The following BICC1 variants were observed in gnomAD, a reference collection of about 807,000 sequenced individuals.
BICC1 encodes the protein BicC family RNA binding protein 1.
A neutral mutation model predicts 111.0 loss-of-function variants in BICC1; 43 were observed. The observed-to-expected ratio is 0.39, with a 90% confidence interval of 0.30 to 0.50. BICC1 has a LOEUF of 0.50. Among genes scored for constraint, BICC1 ranks in the 20% least tolerant of loss-of-function variants. BICC1 has a pLI of 0.88. For synonymous variants in BICC1, 467 were observed against 434.4 expected, an observed-to-expected ratio of 1.07 and a Z score of -0.93; for missense variants, 1,091 against 1,203.2, an observed-to-expected ratio of 0.91 and a Z score of 1.38.
chr10:58,565,910 C>G (rs529120963), intron 1 of BICC1, among the ~76,000 whole-genome samples: 67 of 152,034 alleles, frequency 4.4e-4, no homozygotes, highest in African/African-American at 1.6e-3. Context: ...GTTGGTACAC[C>G]TTACCCAAGC....
chr10:58,754,622 G>A (rs555835224), intron 3 of BICC1, among the ~76,000 whole-genome samples: 1 of 152,320 alleles, frequency 6.6e-6, no homozygotes, highest in African/African-American at 2.4e-5. Context: ...GCAGGGAGCA[G>A]GAGTGTCTCA....
In BICC1 at chr10:58,513,287, G is replaced by T; in HGVS notation, c.144G>T (p.Glu48Asp). Residue 48 changes from glutamate (E) to aspartate (D), a missense_variant, in exon 1 of 21, where the codon GAG becomes GAT. Glu to Asp is a conservative substitution (Grantham distance 45). This residue lies in a region of BICC1 where 843 missense variants were observed against 900.8 expected (regional missense o/e 0.94). Coordinates refer to ENST00000373886, the MANE Select transcript of BICC1 (RefSeq NM_001080512.3). ...GATLHSPEWS[E>D]ERFRVDRKKL... ...CCCTGCACAGCCCGGAGTGGAGCGA[G>T]GAGCGCTTCCGCGTGGACAGGAAGA... The T allele has an allele frequency of 5.0e-6, 8 of 1,612,126 alleles. No homozygotes were observed. Among genetic ancestry groups the T allele is most frequent in the Non-Finnish European group, 6.8e-6 (8 of 1,178,984 alleles).
chr10:58,827,218 G>T (rs1288695382), intron 20 of BICC1, among the ~76,000 whole-genome samples: 1 of 152,200 alleles, frequency 6.6e-6, no homozygotes, highest in Non-Finnish European at 1.5e-5. Flanking sequence ...GGAAAGGATT[G>T]TCAAGGTTGT....
intron 1 of BICC1, among the ~76,000 whole-genome samples, chr10:58,606,271 C>T (rs1363231590): frequency 6.6e-6 from 1 of 152,134 alleles, no homozygotes; most frequent in Non-Finnish European, 1.5e-5. Flanking sequence ...CATACAACCC[C>T]TACTAATATA....
intron 1 of BICC1, among the ~76,000 whole-genome samples, chr10:58,520,835 T>A (rs1489836983): frequency 6.6e-6 from 1 of 151,106 alleles, no homozygotes; most frequent in Non-Finnish European, 1.5e-5. Context: ...CTGATGATAT[T>A]TTAGGAATTT....
intron 15 of BICC1, among the ~76,000 whole-genome samples, chr10:58,803,884 A>G (rs1397071386): frequency 2.0e-5 from 3 of 152,210 alleles, no homozygotes; most frequent in African/African-American, 7.2e-5. Context: ...ATAGATGACA[A>G]TATGAAAGAT....
At chr10:58,649,411 G>C (rs1234052078) in intron 2 of BICC1, among the ~76,000 whole-genome samples, 1 of 152,178 alleles carries the variant, frequency 6.6e-6, no homozygotes, top group African/African-American at 2.4e-5. Flanking sequence ...CACGAAGCCT[G>C]CCTGCTAGGT....
intron 1 of BICC1, among the ~76,000 whole-genome samples, chr10:58,515,326 T>A (rs1842213814): frequency 6.6e-6 from 1 of 152,202 alleles, no homozygotes; most frequent in South Asian, 2.1e-4. Flanking sequence ...ATTTTCATTG[T>A]GCAAACATCA....
intron 1 of BICC1, among the ~76,000 whole-genome samples, chr10:58,527,127 G>C (rs939579948): frequency 2.9e-4 from 44 of 152,260 alleles, no homozygotes; most frequent in African/African-American, 9.4e-4. Context: ...ATTCTAACTG[G>C]TGTGAGATGG....
chr10:58,667,029 G>A (rs1222322005), intron 2 of BICC1, among the ~76,000 whole-genome samples: 1 of 152,016 alleles, frequency 6.6e-6, no homozygotes, highest in Non-Finnish European at 1.5e-5. Context: ...AGATGAAAGA[G>A]GCTTACAATT....
chr10:58,586,161 G>C (rs1288742357), intron 1 of BICC1, among the ~76,000 whole-genome samples: 1 of 152,110 alleles, frequency 6.6e-6, no homozygotes, highest in East Asian at 1.9e-4. Flanking sequence ...TCCTAAAAAT[G>C]TGACTTCCTT....
At chr10:58,774,482 T>C (rs1842698417) in intron 3 of BICC1, among the ~76,000 whole-genome samples, 1 of 152,220 alleles carries the variant, frequency 6.6e-6, no homozygotes, top group Non-Finnish European at 1.5e-5. Flanking sequence ...TTTTAAGATA[T>C]GAGTATTTTT....
chr10:58,592,142 G>A (rs1844639876), intron 1 of BICC1, among the ~76,000 whole-genome samples: 2 of 152,248 alleles, frequency 1.3e-5, no homozygotes, highest in African/African-American at 2.4e-5. Flanking sequence ...TTTACTTACT[G>A]TATTAATTAC....
At chr10:58,712,863 G>A (rs1353283692) in intron 3 of BICC1, among the ~76,000 whole-genome samples, 9 of 152,112 alleles carry the variant, frequency 5.9e-5, no homozygotes, top group South Asian at 2.1e-4. Flanking sequence ...CTGTGCCTGC[G>A]TATAGAAAGC....
intron 1 of BICC1, among the ~76,000 whole-genome samples, chr10:58,579,910 C>T (rs1844229704): frequency 6.6e-6 from 1 of 152,056 alleles, no homozygotes; most frequent in African/African-American, 2.4e-5. Context: ...AGCTTACTCT[C>T]AGTCACTCCA....
intron 2 of BICC1, among the ~76,000 whole-genome samples, chr10:58,674,344 A>G (rs555556746): frequency 1.9e-3 from 295 of 151,980 alleles, no homozygotes; most frequent in African/African-American, 6.4e-3. Flanking sequence ...TTTTTGTACC[A>G]TGTCTGCAGG....
At chr10:58,661,404 G>A (rs558513827) in intron 2 of BICC1, among the ~76,000 whole-genome samples, 2 of 152,086 alleles carry the variant, frequency 1.3e-5, no homozygotes, top group South Asian at 2.1e-4. Context: ...AGGAGAAAAG[G>A]TAGAGGGTCA....
chr10:58,690,526 G>A lies in BICC1; in HGVS notation c.238-11548G>A, dbSNP rs889095481. 1.2e-4 allele frequency among the ~76,000 whole-genome samples: 19 copies of A among 152,142 alleles called. No homozygotes were observed. In the East Asian group the frequency reaches 3.7e-3, roughly 29 times the overall value. On this transcript the variant is annotated intron_variant, in intron 2 of 20. Coordinates refer to ENST00000373886, the MANE Select transcript of BICC1 (RefSeq NM_001080512.3). Reference sequence around the variant, plus strand: ...TGGGGGAGAAATGAACTTTTGTTCTGTTCATCCACTGGCATTTGGAATTGT... The same window carrying A: ...TGGGGGAGAAATGAACTTTTGTTCTATTCATCCACTGGCATTTGGAATTGT...
chr10:58,532,091 C>A (rs993338354), intron 1 of BICC1, among the ~76,000 whole-genome samples: 2 of 151,712 alleles, frequency 1.3e-5, no homozygotes, highest in African/African-American at 2.4e-5. Context: ...GGACTACAGT[C>A]ATGATGAAAC....
Sources: gnomAD v4.1 joint callset for allele counts (sites outside exome capture counted in the v4.1 genomes callset) on GRCh38, gnomAD v4.1.1 for gene constraint, gnomAD v4.1.1 regional missense constraint, MANE v1.5 for transcripts, NCBI Gene and HGNC (gene_info 2026-07-23, HGNC 2026-07-21) for gene names.